The following PLA2G6 variants were observed in gnomAD, a reference collection of about 807,000 sequenced individuals.
The protein encoded by PLA2G6 is phospholipase A2 group VI, also known as 85/88 kDa calcium-independent phospholipase A2.
A neutral mutation model predicts 83.8 loss-of-function variants in PLA2G6; 62 were observed. That is an observed-to-expected ratio of 0.74 (90% CI 0.60 to 0.91). PLA2G6 has a LOEUF of 0.91. Among genes scored for constraint, PLA2G6 ranks in the 40% least tolerant of loss-of-function variants. The pLI is 0.00. For missense variants in PLA2G6, 944 were observed against 1,102.0 expected, an observed-to-expected ratio of 0.86 and a Z score of 2.03; for synonymous variants, 417 against 449.8, an observed-to-expected ratio of 0.93 and a Z score of 0.92.
intron 12 of PLA2G6, chr22:38,116,436 TG>T: frequency 1.4e-6 from 1 of 701,268 alleles, no homozygotes; most frequent in East Asian, 2.8e-5. Flanking sequence ...CAGCAAAAGT[TG>T]GTTTTTTTGA....
In PLA2G6 at chr22:38,111,919, G is replaced by A; in HGVS notation, c.*242C>T. Reference sequence around the variant, plus strand: ...CAGTTGTCCTTGACAGTCAGGGAAAGGGGCCAAAGGGGGCTCTAGACTTTC... The same window carrying A: ...CAGTTGTCCTTGACAGTCAGGGAAAAGGGCCAAAGGGGGCTCTAGACTTTC... On this transcript the variant is annotated 3_prime_UTR_variant, in exon 17 of 17. Transcript: ENST00000332509. The A allele has an allele frequency of 5.2e-6, 3 of 575,746 alleles. No homozygotes were observed. The highest frequency in any genetic ancestry group is 3.0e-5 in the Admixed American group (1 of 33,568). 35.7% of individuals were successfully genotyped at this position (575,746 alleles called of 1,614,324 possible).
At position 38,123,583 on chromosome 22, in the gene PLA2G6, G is replaced by C. The variant is rs546611961; in HGVS notation, c.1428-325C>G. 5.3e-5 allele frequency among the ~76,000 whole-genome samples: 8 copies of C among 152,182 alleles called. No individual in the cohort carries two copies. The highest frequency in any genetic ancestry group is 1.7e-4 in the African/African-American group (7 of 41,518). ...CCTGATTTTGGTCAGTATCAGGCCTGATCCAAAGCAGGTGCCTGATAAAGT... is the reference window on the plus strand; with the variant it reads ...CCTGATTTTGGTCAGTATCAGGCCTCATCCAAAGCAGGTGCCTGATAAAGT... On this transcript the variant is annotated intron_variant, in intron 10 of 16. Transcript: ENST00000332509. The surrounding 1 kb of genome is among the most constrained non-coding windows in gnomAD (Gnocchi z 4.1).
chr22:38,130,244 T>C (rs979639517), intron 7 of PLA2G6: 2 of 168,052 alleles, frequency 1.2e-5, no homozygotes, highest in Non-Finnish European at 2.6e-5. Context: ...TTCTTCACAT[T>C]CTATTAGGAC....
At chr22:38,141,784 T>G (rs1444837320) in intron 4 of PLA2G6, 1 of 151,352 alleles carries the variant, frequency 6.6e-6, no homozygotes, top group Non-Finnish European at 1.5e-5. Context: ...CACCCCCGCA[T>G]GGAGGCAGGG....
rs767732261 is a variant in PLA2G6, at chr22:38,116,079, G to A, written c.1875C>T (p.Pro625=). ...TGCATCAAACATGGTTTAAACCTGA[G>A]GGCTGAGCTGGAGGCCTGAGGTTAA... ...QNVNLRPPAQ[P]SDQLVWRAAR... The change falls in exon 13 of 17, where the codon CCC becomes CCT. Residue 625 remains proline, a synonymous_variant. Transcript: ENST00000332509. The A allele has an allele frequency of 1.2e-6, 2 of 1,613,988 alleles. No homozygotes were observed. Among genetic ancestry groups the A allele is most frequent in the Non-Finnish European group, 1.7e-6 (2 of 1,179,988 alleles).
intron 12 of PLA2G6, among the ~76,000 whole-genome samples, chr22:38,117,899 G>T (rs2087299312): frequency 6.6e-6 from 1 of 152,038 alleles, no homozygotes; most frequent in Non-Finnish European, 1.5e-5. Flanking sequence ...AGCCGGGCAT[G>T]GTGGTGCACG....
chr22:38,112,217 TGTA>T lies in PLA2G6; in HGVS notation c.2362_2364del (p.Tyr788del), dbSNP rs2086904047. The T allele has an allele frequency of 1.2e-6, 2 of 1,611,482 alleles. No homozygotes were observed. The highest frequency in any genetic ancestry group is 4.5e-5 in the East Asian group (2 of 44,798). On this transcript the variant is annotated inframe_deletion, in exon 17 of 17. Coordinates refer to ENST00000332509, the MANE Select transcript of PLA2G6 (RefSeq NM_003560.4). Reference sequence around the variant, plus strand: ...TGGAACTCCTCGCGGTGCTCATAGATGTAGACCTCGGTCTCCCAGAGGGCGTTG... The same window carrying T: ...TGGAACTCCTCGCGGTGCTCATAGATGACCTCGGTCTCCCAGAGGGCGTTG...
chr22:38,144,632 CAA>C (rs5845371), intron 3 of PLA2G6: 30 of 30,970 alleles, frequency 9.7e-4, no homozygotes, highest in South Asian at 3.8e-3. Context: ...GACTCCGTCT[CAA>C]AAAAAAAAAA....
At position 38,135,229 on chromosome 22, in the gene PLA2G6, T is replaced by G. The variant is rs540562416; in HGVS notation, c.798-145A>C. The G allele has an allele frequency of 7.4e-6, 5 of 672,642 alleles. No homozygotes were observed. In the South Asian group the frequency reaches 8.2e-5, roughly 11 times the overall value. The allele number at this position is 672,642 out of a possible 1,614,324, so 41.7% of individuals were successfully genotyped here. A position where few individuals can be genotyped will look rare whatever the true frequency, so the allele number is the denominator to read the frequency against. ...GCAAACCCAACCAGCACACTCACCA[T>G]GGTTAAGGCTGTACTGAGCCCCTCA... On this transcript the variant is annotated intron_variant, in intron 5 of 16. Transcript: ENST00000332509.
intron 2 of PLA2G6, chr22:38,168,204 G>A (rs1040587266): frequency 1.3e-5 from 2 of 153,606 alleles, no homozygotes; most frequent in Admixed American, 1.3e-4. Flanking sequence ...GGCCAGCCAG[G>A]ACTGGCCCGA....
At chr22:38,153,853 G>C (rs2089672683) in intron 2 of PLA2G6, among the ~76,000 whole-genome samples, 1 of 152,174 alleles carries the variant, frequency 6.6e-6, no homozygotes, top group African/African-American at 2.4e-5. Flanking sequence ...ACCTGCCCTG[G>C]GTCAGAGGGG....
intron 1 of PLA2G6, among the ~76,000 whole-genome samples, chr22:38,176,369 C>T: frequency 6.6e-6 from 1 of 152,200 alleles, no homozygotes; most frequent in East Asian, 1.9e-4. Flanking sequence ...ACCTCACAGG[C>T]TTGGCCACGT....
chr22:38,130,759 T>C (rs1904797086), intron 7 of PLA2G6: 1 of 151,170 alleles, frequency 6.6e-6, no homozygotes, highest in African/African-American at 2.4e-5. Context: ...CCCAGCAGTT[T>C]GGGAGGCTGA....
chr22:38,123,128 T>C lies in PLA2G6; in HGVS notation c.1558A>G (p.Thr520Ala). The stretch of plus-strand genomic sequence containing the variant: ...ATGGCCAGGGCCAGGATGCCTCCAG[T>C]GCTGGTGCCCGCCACCCAGTCAAAC... ...DLFDWVAGTS[T>A]GGILALAILH... The change falls in exon 11 of 17, where the codon ACT becomes GCT. Residue 520 changes from threonine to alanine, a missense_variant. Transcript: ENST00000332509. The surrounding 1 kb of genome is among the most constrained non-coding windows in gnomAD (Gnocchi z 4.1). 6.5e-7 allele frequency: 1 copy of C among 1,549,858 alleles called. No homozygotes were observed. Among genetic ancestry groups the C allele is most frequent in the Non-Finnish European group, 8.7e-7 (1 of 1,147,234 alleles).
intron 1 of PLA2G6, among the ~76,000 whole-genome samples, chr22:38,172,154 C>T (rs913969618): frequency 3.3e-5 from 5 of 152,178 alleles, no homozygotes; most frequent in Non-Finnish European, 5.9e-5. Flanking sequence ...GAAAGCTTTA[C>T]GTACATTAAT....
At chr22:38,167,196 C>T (rs895473179) in intron 2 of PLA2G6, among the ~76,000 whole-genome samples, 2 of 148,840 alleles carry the variant, frequency 1.3e-5, no homozygotes, top group African/African-American at 5.0e-5. Context: ...TCACTGTACT[C>T]CAGCCTGGGT....
chr22:38,172,398 C>A (rs1279146647), intron 1 of PLA2G6, among the ~76,000 whole-genome samples: 2 of 152,112 alleles, frequency 1.3e-5, no homozygotes, highest in Non-Finnish European at 2.9e-5. Context: ...TTTGTCAAAA[C>A]AAAAATTTAA....
At position 38,123,266 on chromosome 22, in the gene PLA2G6, G is replaced by A. The variant is rs370288820; in HGVS notation, c.1428-8C>T. On this transcript the variant is annotated splice_polypyrimidine_tract_variant and splice_region_variant and intron_variant, in intron 10 of 16. Transcript: ENST00000332509. The surrounding 1 kb of genome is among the most constrained non-coding windows in gnomAD (Gnocchi z 4.1). ...CACAGCAGGTGGTCGTGGCTGCAGT[G>A]GGAACAGCAGTGGGAGAGAGGAGGG... 9.1e-5 allele frequency: 142 copies of A among 1,557,188 alleles called. No homozygotes were observed. The African/African-American group carries it at 1.6e-3, about 18-fold the overall frequency.
chr22:38,126,227 C>G (rs1260489946), intron 10 of PLA2G6, 144 bp downstream of exon 10: 2 of 727,174 alleles, frequency 2.8e-6, no homozygotes, highest in East Asian at 2.6e-5. Flanking sequence ...TCTGTCTCTG[C>G]TGAGAACTAT....
Sources: gnomAD v4.1 joint callset for allele counts (sites outside exome capture counted in the v4.1 genomes callset) on GRCh38, gnomAD v4.1.1 for gene constraint, Gnocchi (gnomAD v3.1) non-coding constraint, MANE v1.5 for transcripts, NCBI Gene and HGNC (gene_info 2026-07-23, HGNC 2026-07-21) for gene names.